The following INSC variants were observed in gnomAD, a reference collection of about 807,000 sequenced individuals.
The protein encoded by INSC is protein inscuteable homolog.
In INSC, 67 loss-of-function variants were observed where a neutral mutation model predicts 58.6. The observed-to-expected ratio is 1.14, with a 90% CI of 0.94 to 1.40. INSC has a LOEUF of 1.40. Among genes scored for constraint, INSC ranks in the 40% most tolerant of loss-of-function variants. The probability of loss-of-function intolerance (pLI) is 0.00; values close to 1 mark genes in which losing one functional copy is unlikely to be tolerated. For missense variants in INSC, 714 were observed against 692.0 expected, an observed-to-expected ratio of 1.03 and a Z score of -0.36; for synonymous variants, 262 against 276.1, an observed-to-expected ratio of 0.95 and a Z score of 0.51.
At chr11:15,169,068 C>T (rs969105954) in intron 2 of INSC, among the ~76,000 whole-genome samples, 1 of 152,126 alleles carries the variant, frequency 6.6e-6, no homozygotes, top group African/African-American at 2.4e-5. Flanking sequence ...GATACATCCC[C>T]CTTATGCTCA....
rs1446191628 is a variant in INSC, at chr11:15,225,666, C to T, written c.1008C>T (p.Ala336=). The T allele has an allele frequency of 6.2e-7, 1 of 1,614,138 alleles. No individual in the cohort carries two copies. Among genetic ancestry groups the T allele is most frequent in the Admixed American group, 1.7e-5 (1 of 60,014 alleles). ...VTALVKLCQE[A]SSGEVFLLAS... is the part of the protein sequence containing the mutation. Reference sequence around the variant, plus strand: ...GCCATCCAGAACTGTGCCAAGAGGCCTCATCAGGGGAAGTCTTCCTACTGG... The same window carrying T: ...GCCATCCAGAACTGTGCCAAGAGGCTTCATCAGGGGAAGTCTTCCTACTGG... The change falls in exon 9 of 13, where the codon GCC becomes GCT. Residue 336 remains alanine, a synonymous_variant. Coordinates refer to ENST00000379556, the MANE Select transcript of INSC (RefSeq NM_001042536.3).
chr11:15,170,468 G>T (rs953503142), intron 2 of INSC, among the ~76,000 whole-genome samples: 1 of 152,066 alleles, frequency 6.6e-6, no homozygotes, highest in Admixed American at 6.6e-5. Context: ...TTTGTCTGAC[G>T]CTTCCCTCAT....
the INSC span, among the ~76,000 whole-genome samples, chr11:15,255,077 A>T: frequency 6.6e-6 from 1 of 152,204 alleles, no homozygotes; most frequent in Non-Finnish European, 1.5e-5. Context: ...AAGACTTTAC[A>T]TCTTGCCTAA....
At chr11:15,136,629 C>T (rs1208357666) in intron 1 of INSC, among the ~76,000 whole-genome samples, 1 of 152,128 alleles carries the variant, frequency 6.6e-6, no homozygotes, top group East Asian at 1.9e-4. Flanking sequence ...TCTTTCTTTG[C>T]TCATCCATAA....
chr11:15,211,859 T>C (rs1199767724), intron 7 of INSC, among the ~76,000 whole-genome samples: 2 of 152,136 alleles, frequency 1.3e-5, no homozygotes, highest in Non-Finnish European at 2.9e-5. Flanking sequence ...TTTCTGGATT[T>C]TTTTTTTCTG....
intron 10 of INSC, among the ~76,000 whole-genome samples, chr11:15,236,916 T>A (rs1852154302): frequency 3.3e-5 from 5 of 152,220 alleles, no homozygotes; most frequent in Admixed American, 3.3e-4. Context: ...TGAGAAACTT[T>A]GCTGAGCCAG....
the INSC span, among the ~76,000 whole-genome samples, chr11:15,269,578 C>T: frequency 1.3e-5 from 2 of 151,324 alleles, no homozygotes; most frequent in Admixed American, 1.3e-4. Context: ...GAAATTTCTT[C>T]AATGGCAGTG....
intron 2 of INSC, among the ~76,000 whole-genome samples, chr11:15,157,421 G>T (rs148493127): frequency 6.6e-6 from 1 of 152,136 alleles, no homozygotes; most frequent in South Asian, 2.1e-4. Flanking sequence ...TCAGTTGTTC[G>T]TACTTGCAAA....
the INSC span, among the ~76,000 whole-genome samples, chr11:15,254,856 G>A: frequency 3.0e-4 from 46 of 152,192 alleles, no homozygotes; most frequent in Non-Finnish European, 5.6e-4. Flanking sequence ...TAGGAAAGAA[G>A]AAACAGGCTT....
chr11:15,207,742 G>C lies in INSC; in HGVS notation c.819+6793G>C, dbSNP rs1256101477. ...GTATAATTGCAGATGGTCATAAATA[G>C]TTAATTTTTGCAAAAAATAAATAAA... On this transcript the variant is annotated intron_variant, in intron 7 of 12. Transcript: ENST00000379556. Among the ~76,000 whole-genome samples, 4 of 152,274 alleles carry C rather than the reference G, an allele frequency of 2.6e-5. No homozygotes were observed. The South Asian group carries it at 8.3e-4, about 32-fold the overall frequency.
Position 15,178,364 on chromosome 11 carries a change from A to G in INSC, c.496A>G (p.Lys166Glu). The G allele has an allele frequency of 6.2e-7, 1 of 1,613,900 alleles. No homozygotes were observed. Reference protein sequence around the residue: ...VENEHVLKSMKACVSETLSML... With the variant: ...VENEHVLKSMEACVSETLSML... ...GAATGAGCATGTCCTGAAGTCAATG[A>G]AGGCCTGCGTGAGTGAGACCCTGAG... is the stretch of plus-strand genomic sequence containing the variant. The change falls in exon 5 of 13, where the codon AAG (lysine) becomes GAG (glutamate). Residue 166 changes from lysine to glutamate, a missense_variant. Coordinates refer to ENST00000379556, the MANE Select transcript of INSC (RefSeq NM_001042536.3).
chr11:15,235,810 C>G (rs551514982), intron 10 of INSC, 142 bp downstream of exon 10: 2 of 775,908 alleles, frequency 2.6e-6, no homozygotes. Flanking sequence ...AATCCCAGCA[C>G]TTTGGGAAGC....
intron 1 of INSC, among the ~76,000 whole-genome samples, chr11:15,132,891 C>G (rs927883554): frequency 6.6e-6 from 1 of 152,164 alleles, no homozygotes; most frequent in Non-Finnish European, 1.5e-5. Flanking sequence ...ATCTGTCAAT[C>G]TAGTTTCCTT....
intron 2 of INSC, among the ~76,000 whole-genome samples, chr11:15,151,051 G>A (rs1483707806): frequency 3.3e-5 from 5 of 152,150 alleles, no homozygotes; most frequent in African/African-American, 1.2e-4. Flanking sequence ...GTGCTTTGCA[G>A]TACACAAGCT....
upstream of INSC, among the ~76,000 whole-genome samples, chr11:15,114,585 C>T (rs577273687): frequency 2.5e-3 from 382 of 152,324 alleles, 1 homozygote; most frequent in Non-Finnish European, 4.0e-3. Context: ...CCCGCCTGGA[C>T]GGCTTCGCGG....
chr11:15,202,792 G>T (rs762659570), intron 7 of INSC, among the ~76,000 whole-genome samples: 1 of 152,162 alleles, frequency 6.6e-6, no homozygotes, highest in East Asian at 1.9e-4. Flanking sequence ...AGGGCTTTTC[G>T]TTTGTTTGTT....
intron 1 of INSC, among the ~76,000 whole-genome samples, chr11:15,125,924 T>G (rs994700392): frequency 1.3e-5 from 2 of 152,032 alleles, no homozygotes; most frequent in African/African-American, 2.4e-5. Flanking sequence ...AAGCTGAGTC[T>G]TGACAGGTGG....
Position 15,177,262 on chromosome 11 carries a change from C to T in INSC, c.455+99C>T, listed in dbSNP as rs7113926. ...CCAGAGGGAGAATGGGAATGGGAGGCGTGGTGGTGGTTTCAGAGTTTCCTT... is the reference window on the plus strand; with the variant it reads ...CCAGAGGGAGAATGGGAATGGGAGGTGTGGTGGTGGTTTCAGAGTTTCCTT... On this transcript the variant is annotated intron_variant, in intron 4 of 12. Coordinates refer to ENST00000379556, the MANE Select transcript of INSC (RefSeq NM_001042536.3). The T allele has an allele frequency of 5.0e-3, 4,439 of 889,758 alleles. 145 individuals carry two copies. The African/African-American group carries it at 0.065, about 13-fold the overall frequency. The allele number at this position is 889,758 out of a possible 1,614,324, so 55.1% of individuals were successfully genotyped here.
chr11:15,176,878 C>T (rs536547231), intron 3 of INSC, among the ~76,000 whole-genome samples: 1 of 152,312 alleles, frequency 6.6e-6, no homozygotes, highest in South Asian at 2.1e-4. Flanking sequence ...TTTCCTGAAG[C>T]TTCCCAGCTT....
Sources: gnomAD v4.1 joint callset for allele counts (sites outside exome capture counted in the v4.1 genomes callset) on GRCh38, gnomAD v4.1.1 for gene constraint, MANE v1.5 for transcripts, NCBI Gene and HGNC (gene_info 2026-07-23, HGNC 2026-07-21) for gene names.